CRPPA: variants seen among roughly 807,000 people sequenced by gnomAD.
CRPPA encodes the protein CDP-L-ribitol pyrophosphorylase A.
Under a neutral mutation model 52.0 loss-of-function variants are expected in CRPPA, and 43 were observed. That is an observed-to-expected ratio of 0.83 (90% CI 0.65 to 1.07). The LOEUF is 1.07. Among genes scored for constraint, CRPPA ranks in the 50% least tolerant of loss-of-function variants. The pLI is 0.00. For synonymous variants in CRPPA, 250 were observed against 203.5 expected, an observed-to-expected ratio of 1.23 and a Z score of -1.94; for missense variants, 629 against 551.7, an observed-to-expected ratio of 1.14 and a Z score of -1.40.
chr7:16,257,824 C>T (rs1384042716), intron 8 of CRPPA, among the ~76,000 whole-genome samples: 2 of 152,086 alleles, frequency 1.3e-5, no homozygotes, highest in East Asian at 3.9e-4. Context: ...GTCCCCTCTG[C>T]TATATAGTTT....
At chr7:16,107,074 A>G (rs1199751903) in intron 9 of CRPPA, among the ~76,000 whole-genome samples, 1 of 152,178 alleles carries the variant, frequency 6.6e-6, no homozygotes, top group African/African-American at 2.4e-5. Context: ...TTATACAGTT[A>G]GTGAAGAAGA....
intron 8 of CRPPA, among the ~76,000 whole-genome samples, chr7:16,224,966 T>C (rs1398967222): frequency 1.3e-5 from 2 of 152,090 alleles, no homozygotes; most frequent in African/African-American, 2.4e-5. Context: ...TAAACTATCA[T>C]GGAAACTCAA....
At chr7:16,278,721 C>T (rs1784260515) in intron 5 of CRPPA, among the ~76,000 whole-genome samples, 1 of 152,166 alleles carries the variant, frequency 6.6e-6, no homozygotes, top group South Asian at 2.1e-4. Context: ...CAATTAAGTT[C>T]CTGTTTTGAC....
rs1248126685 is a variant in CRPPA at position 16,125,817 on chromosome 7, C to T, written c.1252-34018G>A. 2.7e-5 allele frequency among the ~76,000 whole-genome samples: 4 copies of T among 150,308 alleles called. 1 individual carries two copies. The highest frequency in any genetic ancestry group is 6.3e-3 in the Middle Eastern group (2 of 316). ...CAAGATGGTAACCTCAGGACACATG[C>T]CTTTGTCATTTTAAATCCCTACAAA... On this transcript the variant is annotated intron_variant, in intron 9 of 9. Coordinates refer to ENST00000407010, the MANE Select transcript of CRPPA (RefSeq NM_001101426.4).
chr7:16,118,437 G>T (rs1382635821), intron 9 of CRPPA, among the ~76,000 whole-genome samples: 2 of 152,168 alleles, frequency 1.3e-5, no homozygotes. Context: ...CAGAAAACAT[G>T]CATCCAAGCC....
chr7:16,213,621 C>G (rs1023492704), intron 9 of CRPPA, among the ~76,000 whole-genome samples: 1 of 151,848 alleles, frequency 6.6e-6, no homozygotes, highest in Non-Finnish European at 1.5e-5. Flanking sequence ...TGGTGGCGGG[C>G]ACCCATAATC....
At chr7:16,378,987 A>G (rs1442611594) in intron 2 of CRPPA, among the ~76,000 whole-genome samples, 2 of 151,812 alleles carry the variant, frequency 1.3e-5, no homozygotes, top group African/African-American at 4.8e-5. Context: ...GTTTGAGTTC[A>G]TTGTAGATTC....
intron 2 of CRPPA, among the ~76,000 whole-genome samples, chr7:16,398,624 A>T (rs1191124587): frequency 2.0e-5 from 3 of 151,938 alleles, no homozygotes; most frequent in Admixed American, 2.0e-4. Context: ...CATCACCAAC[A>T]TGACTGACAC....
chr7:16,171,978 A>G (rs563272480), intron 9 of CRPPA, among the ~76,000 whole-genome samples: 1 of 152,282 alleles, frequency 6.6e-6, no homozygotes, highest in African/African-American at 2.4e-5. Flanking sequence ...AAGCTATCCT[A>G]CAAGTAGCTA....
intron 9 of CRPPA, among the ~76,000 whole-genome samples, chr7:16,124,532 T>C (rs1475980248): frequency 6.6e-6 from 1 of 152,120 alleles, no homozygotes; most frequent in Non-Finnish European, 1.5e-5. Flanking sequence ...AATATGTTGA[T>C]TTCATAGAAA....
At chr7:16,412,287 G>A (rs1788092103) in intron 1 of CRPPA, among the ~76,000 whole-genome samples, 1 of 152,066 alleles carries the variant, frequency 6.6e-6, no homozygotes, top group Admixed American at 6.6e-5. Context: ...AACTTTGTTG[G>A]GTAAATGAAA....
At chr7:16,129,892 G>T (rs1280424751) in intron 9 of CRPPA, among the ~76,000 whole-genome samples, 1 of 152,052 alleles carries the variant, frequency 6.6e-6, no homozygotes, top group Non-Finnish European at 1.5e-5. Context: ...TTCTATTTAT[G>T]GGTTCCAACC....
chr7:16,309,149 T>C (rs1311544517), intron 3 of CRPPA, among the ~76,000 whole-genome samples: 2 of 152,132 alleles, frequency 1.3e-5, no homozygotes, highest in African/African-American at 4.8e-5. Context: ...ATTTAGTCTT[T>C]CATTGTGCGA....
intron 3 of CRPPA, among the ~76,000 whole-genome samples, chr7:16,344,384 T>C (rs927035968): frequency 2.0e-4 from 22 of 112,036 alleles, no homozygotes; most frequent in African/African-American, 6.6e-4. Context: ...CTGGACAACA[T>C]AGCAAGAACC....
chr7:16,148,456 A>C (rs1783015842), intron 9 of CRPPA, among the ~76,000 whole-genome samples: 1 of 152,192 alleles, frequency 6.6e-6, no homozygotes, highest in African/African-American at 2.4e-5. Context: ...TCCAGCCTTT[A>C]AAAAACATTG....
intron 2 of CRPPA, among the ~76,000 whole-genome samples, chr7:16,385,635 G>A (rs1787243065): frequency 6.6e-6 from 1 of 152,166 alleles, no homozygotes; most frequent in Admixed American, 6.5e-5. Flanking sequence ...CAGCCTGAAG[G>A]ACATTTGAAG....
intron 8 of CRPPA, chr7:16,216,700 G>T (rs1048178857): frequency 6.5e-6 from 1 of 154,240 alleles, no homozygotes; most frequent in African/African-American, 2.4e-5. Flanking sequence ...GGAAAATCGG[G>T]TCACTCCCAC....
chr7:16,343,945 T>C (rs1217234620), intron 3 of CRPPA, among the ~76,000 whole-genome samples: 2 of 152,274 alleles, frequency 1.3e-5, no homozygotes, highest in South Asian at 2.1e-4. Context: ...CAGTTATTAG[T>C]TCCGGTTATT....
In CRPPA at chr7:16,278,111, C is replaced by G; in HGVS notation, c.933+18G>C. ...TTTGGCAATCAAAGTTTATCAAACT[C>G]AGTCTTTGAATACTTACATTTAATT... On this transcript the variant is annotated intron_variant, in intron 6 of 9. Coordinates refer to ENST00000407010, the MANE Select transcript of CRPPA (RefSeq NM_001101426.4). 3 of 1,306,300 alleles carry G rather than the reference C, an allele frequency of 2.3e-6. No homozygotes were observed. The highest frequency in any genetic ancestry group is 3.3e-6 in the Non-Finnish European group (3 of 921,512). The allele number at this position is 1,306,300 out of a possible 1,614,324, so 80.9% of individuals were successfully genotyped here. A position where few individuals can be genotyped will look rare whatever the true frequency, so the allele number is the denominator to read the frequency against.
Sources: gnomAD v4.1 joint callset for allele counts (sites outside exome capture counted in the v4.1 genomes callset) on GRCh38, gnomAD v4.1.1 for gene constraint, MANE v1.5 for transcripts, NCBI Gene and HGNC (gene_info 2026-07-23, HGNC 2026-07-21) for gene names.